AKAP13: variants seen among roughly 807,000 people sequenced by gnomAD.
AKAP13 encodes A-kinase anchor protein 13.
A neutral mutation model predicts 264.5 loss-of-function variants in AKAP13; 80 were observed. The ratio of observed to expected loss-of-function variants is 0.30; its 90% CI spans 0.25 to 0.36. The LOEUF is 0.36. AKAP13 is among the 10% of genes least tolerant of loss of function. The probability of loss-of-function intolerance (pLI) is 1.00; values close to 1 mark genes in which losing one functional copy is unlikely to be tolerated. For synonymous variants in AKAP13, 1,380 were observed against 1,250.2 expected (o/e 1.10, Z -2.19); for missense variants, 3,712 against 3,435.2 (o/e 1.08, Z -2.01).
At position 85,730,502 on chromosome 15, in the gene AKAP13, C is replaced by A; in HGVS notation, c.7088-11C>A. On this transcript the variant is annotated splice_polypyrimidine_tract_variant and intron_variant, in intron 29 of 36. Transcript: ENST00000394518. Reference sequence around the variant, plus strand: ...CCAATCAAATCACAGATCATTTTCTCCTTCCTGCAGAACAACTTCACCAGA... The same window carrying A: ...CCAATCAAATCACAGATCATTTTCTACTTCCTGCAGAACAACTTCACCAGA... 1 of 1,612,134 alleles carries A rather than the reference C, an allele frequency of 6.2e-7. No homozygotes were observed. The highest frequency in any genetic ancestry group is 1.1e-5 in the South Asian group (1 of 90,974).
intron 5 of AKAP13, among the ~76,000 whole-genome samples, chr15:85,565,143 A>G (rs2078558396): frequency 6.6e-6 from 1 of 152,064 alleles, no homozygotes; most frequent in Non-Finnish European, 1.5e-5. Context: ...ACACTGTCTG[A>G]TGTAGTAGTA....
In AKAP13 at chr15:85,581,187, C is replaced by T; in HGVS notation, c.3119C>T (p.Ser1040Phe). 1 of 1,614,182 alleles carries T rather than the reference C, an allele frequency of 6.2e-7. No homozygotes were observed. The highest frequency in any genetic ancestry group is 8.5e-7 in the Non-Finnish European group (1 of 1,180,032). The change falls in exon 7 of 37, where the codon TCC becomes TTC. Residue 1040 changes from serine to phenylalanine, a missense_variant. Physicochemically the swap from Ser to Phe is radical, Grantham distance 155 (BLOSUM62 -2). Coordinates refer to ENST00000394518, the MANE Select transcript of AKAP13 (RefSeq NM_007200.5). ...GCCTTGGGGGCAGAGCACAACAGCT[C>T]CGCTCTGTTGCCATGTCTGTTGCCA... Reference protein sequence around the residue: ...QEALGAEHNSSALLPCLLPDG... With the variant: ...QEALGAEHNSFALLPCLLPDG...
chr15:85,468,801 G>A (rs2074847902), intron 1 of AKAP13, among the ~76,000 whole-genome samples: 1 of 151,818 alleles, frequency 6.6e-6, no homozygotes, highest in Non-Finnish European at 1.5e-5. Flanking sequence ...ACAAATACTT[G>A]TAGAATATTT....
intron 19 of AKAP13, among the ~76,000 whole-genome samples, chr15:85,713,750 T>C (rs1381548857): frequency 6.6e-6 from 1 of 152,160 alleles, no homozygotes; most frequent in East Asian, 1.9e-4. Flanking sequence ...GTCAAAGACA[T>C]CCTGAAATAC....
At chr15:85,495,644 G>A (rs897052080) in intron 2 of AKAP13, among the ~76,000 whole-genome samples, 4 of 152,134 alleles carry the variant, frequency 2.6e-5, no homozygotes, top group African/African-American at 9.7e-5. Flanking sequence ...AGGCATGCTC[G>A]AAGGTAATAT....
At chr15:85,722,174 G>C in intron 24 of AKAP13, 56 bp from the exon 25 acceptor site, 6 of 1,610,152 alleles carry the variant, frequency 3.7e-6, no homozygotes, top group Non-Finnish European at 5.1e-6. Flanking sequence ...GTCCCTGTCG[G>C]CTTTCACTAG....
chr15:85,515,528 A>G (rs2151134947), intron 2 of AKAP13, among the ~76,000 whole-genome samples: 1 of 139,246 alleles, frequency 7.2e-6, no homozygotes, highest in South Asian at 2.2e-4. Context: ...TTGTCCCGAT[A>G]ATATCCTTAA....
intron 1 of AKAP13, among the ~76,000 whole-genome samples, chr15:85,397,815 C>T (rs1012953605): frequency 2.0e-5 from 3 of 152,170 alleles, no homozygotes; most frequent in Non-Finnish European, 1.5e-5. Flanking sequence ...GTAGTCACTG[C>T]CCTTAAAGCA....
At chr15:85,427,986 G>T (rs1210258501) in intron 1 of AKAP13, among the ~76,000 whole-genome samples, 1 of 152,156 alleles carries the variant, frequency 6.6e-6, no homozygotes, top group African/African-American at 2.4e-5. Context: ...GGAGCTTACT[G>T]TCCAACTTAC....
chr15:85,430,671 T>C (rs2072987008), intron 1 of AKAP13, among the ~76,000 whole-genome samples: 1 of 152,214 alleles, frequency 6.6e-6, no homozygotes, highest in Admixed American at 6.5e-5. Flanking sequence ...TGTCAGACAG[T>C]TACTCTTTGG....
intron 5 of AKAP13, among the ~76,000 whole-genome samples, chr15:85,569,241 G>A (rs1424453796): frequency 6.6e-6 from 1 of 152,072 alleles, no homozygotes; most frequent in East Asian, 1.9e-4. Flanking sequence ...GAGACTTTGA[G>A]TCAAGAGAAA....
chr15:85,732,097 A>C (rs1311722660), intron 30 of AKAP13, among the ~76,000 whole-genome samples: 1 of 149,656 alleles, frequency 6.7e-6, no homozygotes, highest in Non-Finnish European at 1.5e-5. Context: ...AAAAAAAAAA[A>C]ACGTTTGATG....
At position 85,746,145 on chromosome 15, in the gene AKAP13, T is replaced by C. The variant is rs1190483359; in HGVS notation, c.*1468T>C. On this transcript the variant is annotated 3_prime_UTR_variant, in exon 37 of 37. Coordinates refer to ENST00000394518, the MANE Select transcript of AKAP13 (RefSeq NM_007200.5). ...TTTTTGCCCCTCGGAAGCATGGGGC[T>C]TTTGAGCACACTTAAAAAAAGAAAA... The C allele has an allele frequency of 6.6e-6, 1 of 152,574 alleles. No individual in the cohort carries two copies. Among genetic ancestry groups the C allele is most frequent in the African/African-American group, 2.4e-5 (1 of 41,444 alleles). 9.5% of individuals were successfully genotyped at this position (152,574 alleles called of 1,614,324 possible).
Position 85,727,662 on chromosome 15 carries a change from C to G in AKAP13, c.7087+199C>G, listed in dbSNP as rs1003089252. ...CATGGGTCCTCGTAAAGAATGGCTGCAAGGATGTTTCCAGTACTGGATCAA... is the reference window on the plus strand; with the variant it reads ...CATGGGTCCTCGTAAAGAATGGCTGGAAGGATGTTTCCAGTACTGGATCAA... On this transcript the variant is annotated intron_variant, in intron 29 of 36. Transcript: ENST00000394518. The surrounding 1 kb of genome is among the most constrained non-coding windows in gnomAD (Gnocchi z 5.3). Among the ~76,000 whole-genome samples the G allele has an allele frequency of 2.0e-5, 3 of 152,184 alleles. No individual in the cohort carries two copies. The highest frequency in any genetic ancestry group is 7.2e-5 in the African/African-American group (3 of 41,436).
chr15:85,469,817 A>T (rs1403658398), intron 1 of AKAP13, among the ~76,000 whole-genome samples: 1 of 152,262 alleles, frequency 6.6e-6, no homozygotes, highest in Admixed American at 6.5e-5. Flanking sequence ...TCTACATGCC[A>T]TGTCGATACA....
In AKAP13 at chr15:85,581,353, T is replaced by C; in HGVS notation, c.3285T>C (p.Asn1095=). Residue 1095 remains asparagine, a synonymous_variant, in exon 7 of 37, where the codon AAT becomes AAC. Transcript: ENST00000394518. ...GDVTVDVTGV[N]ALQGMAEPRR... is the part of the protein sequence containing the mutation. ...TGACGGTGGATGTTACAGGGGTTAA[T>C]GCTCTACAAGGTATGGCTGAGCCCA... is the stretch of plus-strand genomic sequence containing the variant. 6.2e-7 allele frequency: 1 copy of C among 1,614,198 alleles called. No homozygotes were observed.
At chr15:85,677,061 CTCT>C (rs1031692717) in intron 14 of AKAP13, 23 of 985,336 alleles carry the variant, frequency 2.3e-5, no homozygotes, top group Admixed American at 6.1e-5. Context: ...TTTCTCTTGG[CTCT>C]TCTTATTCGA....
At chr15:85,432,777 A>G (rs569832896) in intron 1 of AKAP13, among the ~76,000 whole-genome samples, 10 of 152,300 alleles carry the variant, frequency 6.6e-5, no homozygotes, top group Admixed American at 2.0e-4. Context: ...ATAAAAGGGC[A>G]GAAAACACTG....
rs1023058994 is a variant in AKAP13, at chr15:85,718,233, C to G, written c.6001+74C>G. On this transcript the variant is annotated intron_variant, in intron 22 of 36. Coordinates refer to ENST00000394518, the MANE Select transcript of AKAP13 (RefSeq NM_007200.5). This position sits in a 1 kb window ranked among gnomAD's most constrained non-coding sequence, Gnocchi z 4.9. ...CATTTTTAAGCAGTAATTTGTTGGACTATGAAAAATCAGTTTTTTAGTATG... is the reference window on the plus strand; with the variant it reads ...CATTTTTAAGCAGTAATTTGTTGGAGTATGAAAAATCAGTTTTTTAGTATG... 1 of 1,538,736 alleles carries G rather than the reference C, an allele frequency of 6.5e-7. No individual in the cohort carries two copies. The highest frequency in any genetic ancestry group is 8.8e-7 in the Non-Finnish European group (1 of 1,142,438).
Sources: allele counts gnomAD v4.1 joint callset (sites outside exome capture counted in the v4.1 genomes callset), GRCh38; gene constraint gnomAD v4.1.1; non-coding constraint Gnocchi (gnomAD v3.1); transcripts MANE v1.5; gene names NCBI Gene and HGNC (gene_info 2026-07-23, HGNC 2026-07-21).